CCDC150: variants seen among roughly 807,000 people sequenced by gnomAD.
The protein encoded by CCDC150 is coiled-coil domain containing 150, also known as coiled-coil domain-containing protein 150.
In CCDC150, 151 loss-of-function variants were observed where a neutral mutation model predicts 156.5. That is an observed-to-expected ratio of 0.97 (90% CI 0.85 to 1.10). The LOEUF (loss-of-function observed/expected upper bound fraction) is 1.10, where lower values mean the gene tolerates loss of function less well. CCDC150 is among the 50% of genes least tolerant of loss of function. The probability of loss-of-function intolerance (pLI) is 0.00; values close to 1 mark genes in which losing one functional copy is unlikely to be tolerated. For missense variants in CCDC150, 1,312 were observed against 1,268.1 expected (o/e 1.03, Z -0.53); for synonymous variants, 452 against 429.4 (o/e 1.05, Z -0.65).
At chr2:196,714,283 T>A (rs1330777687) in intron 17 of CCDC150, among the ~76,000 whole-genome samples, 1 of 152,126 alleles carries the variant, frequency 6.6e-6, no homozygotes, top group Non-Finnish European at 1.5e-5. Flanking sequence ...TTTTCTGGGT[T>A]TTAAGTACTC....
chr2:196,708,512 G>A (rs1241712679), intron 15 of CCDC150, among the ~76,000 whole-genome samples: 3 of 152,084 alleles, frequency 2.0e-5, no homozygotes, highest in Non-Finnish European at 4.4e-5. Flanking sequence ...TTACATTTAA[G>A]GTTAATATTT....
At chr2:196,694,959 T>C in intron 13 of CCDC150, 87 bp from the exon 14 acceptor site, 1 of 686,380 alleles carries the variant, frequency 1.5e-6, no homozygotes, top group Non-Finnish European at 2.5e-6. Context: ...CTGTCCATTT[T>C]ACAGTTGTAA....
chr2:196,670,294 T>G (rs1694125229), intron 8 of CCDC150, among the ~76,000 whole-genome samples: 1 of 152,324 alleles, frequency 6.6e-6, no homozygotes, highest in African/African-American at 2.4e-5. Context: ...ATTAAAAACA[T>G]AATGATTTTA....
At chr2:196,676,340 C>G in intron 11 of CCDC150, 73 bp downstream of exon 11, 2 of 1,551,624 alleles carry the variant, frequency 1.3e-6, no homozygotes, top group Non-Finnish European at 8.8e-7. Context: ...GTGTCCGTCT[C>G]AGTCTTATCG....
chr2:196,720,133 T>G (rs1697792866), intron 19 of CCDC150: 1 of 404,318 alleles, frequency 2.5e-6, no homozygotes, highest in Non-Finnish European at 5.0e-6. Flanking sequence ...AGTAAATTCC[T>G]TTATAGAATG....
At chr2:196,642,804 A>G (rs548387763) in intron 1 of CCDC150, among the ~76,000 whole-genome samples, 34 of 152,274 alleles carry the variant, frequency 2.2e-4, no homozygotes, top group Admixed American at 1.2e-3. Context: ...CAGTGGCACA[A>G]TCATAGCTCA....
rs1239902208 is a variant in CCDC150, at chr2:196,646,501, AAAG to A, written c.174_176del (p.Arg59del). ...CTAATAATGTTGGATTTTGGTGAAA[AAAG>A]GTAACAAAAATGAACTACATCTCTG... On this transcript the variant is annotated inframe_deletion and splice_region_variant, in exon 2 of 28. Transcript: ENST00000389175. 6.2e-7 allele frequency: 1 copy of A among 1,612,986 alleles called. No individual in the cohort carries two copies. Among genetic ancestry groups the A allele is most frequent in the South Asian group, 1.1e-5 (1 of 90,940 alleles).
intron 14 of CCDC150, 132 bp from the exon 15 acceptor site, chr2:196,700,977 G>A (rs1227954884): frequency 4.8e-6 from 3 of 624,612 alleles, no homozygotes; most frequent in South Asian, 2.2e-5. Flanking sequence ...ACTAAAAGCA[G>A]CAGTAGCAAA....
intron 17 of CCDC150, among the ~76,000 whole-genome samples, chr2:196,717,360 T>G (rs1697587660): frequency 6.6e-6 from 1 of 152,108 alleles, no homozygotes. Flanking sequence ...TGATGGAAAT[T>G]TTGTGTCTTG....
intron 5 of CCDC150, among the ~76,000 whole-genome samples, chr2:196,660,794 C>A (rs1451446452): frequency 6.6e-6 from 1 of 152,184 alleles, no homozygotes; most frequent in Admixed American, 6.5e-5. Flanking sequence ...AGAGAAGGAA[C>A]TTTTAATGAA....
At chr2:196,674,505 A>G (rs1426315346) in intron 10 of CCDC150, among the ~76,000 whole-genome samples, 157 bp downstream of exon 10, 7 of 152,272 alleles carry the variant, frequency 4.6e-5, no homozygotes, top group Non-Finnish European at 8.8e-5. Flanking sequence ...TTTTCATCAG[A>G]GGGGTGATTT....
chr2:196,685,877 G>C (rs1025772167), intron 13 of CCDC150, among the ~76,000 whole-genome samples: 1 of 152,052 alleles, frequency 6.6e-6, no homozygotes, highest in Non-Finnish European at 1.5e-5. Flanking sequence ...GCCACCCAAA[G>C]TGCTGGGATT....
chr2:196,724,794 C>G (rs1385481968), intron 21 of CCDC150, among the ~76,000 whole-genome samples: 2 of 152,132 alleles, frequency 1.3e-5, no homozygotes, highest in Non-Finnish European at 2.9e-5. Context: ...CTTTCTATAT[C>G]TCCATGAATT....
At chr2:196,666,956 C>T (rs1693883757) in intron 7 of CCDC150, 108 bp downstream of exon 7, 1 of 1,163,814 alleles carries the variant, frequency 8.6e-7, no homozygotes, top group Non-Finnish European at 1.3e-6. Context: ...TTGGTATTTC[C>T]CACAGTGCTG....
chr2:196,648,341 G>A (rs1368274912), intron 2 of CCDC150, among the ~76,000 whole-genome samples: 4 of 152,076 alleles, frequency 2.6e-5, no homozygotes, highest in African/African-American at 9.7e-5. Flanking sequence ...TAACAGGTGT[G>A]AGGTTTTCTC....
At chr2:196,669,174 A>G (rs1033104239) in intron 7 of CCDC150, among the ~76,000 whole-genome samples, 7 of 152,232 alleles carry the variant, frequency 4.6e-5, no homozygotes, top group African/African-American at 1.4e-4. Context: ...GTTCTAGACC[A>G]GTATCTTACT....
chr2:196,717,204 G>A (rs560771057), intron 17 of CCDC150, among the ~76,000 whole-genome samples: 16 of 152,062 alleles, frequency 1.1e-4, no homozygotes, highest in African/African-American at 3.4e-4. Flanking sequence ...TAACATTCTT[G>A]ACAGAACTGT....
chr2:196,656,388 GA>G (rs1447846695), intron 2 of CCDC150, among the ~76,000 whole-genome samples: 1 of 152,128 alleles, frequency 6.6e-6, no homozygotes, highest in Non-Finnish European at 1.5e-5. Flanking sequence ...GCCGGATACA[GA>G]AAAGTCTCTC....
intron 15 of CCDC150, among the ~76,000 whole-genome samples, chr2:196,703,992 G>A (rs1696418275): frequency 6.6e-6 from 1 of 152,198 alleles, no homozygotes; most frequent in Admixed American, 6.5e-5. Flanking sequence ...CATTCCAAAA[G>A]CACTGACTTC....
Sources: allele counts gnomAD v4.1 joint callset (sites outside exome capture counted in the v4.1 genomes callset), GRCh38; gene constraint gnomAD v4.1.1; transcripts MANE v1.5; gene names NCBI Gene and HGNC (gene_info 2026-07-23, HGNC 2026-07-21).